Variants in MAGI1 observed in about 807,000 individuals in gnomAD.
MAGI1 encodes membrane associated guanylate kinase, WW and PDZ domain containing 1, also known as membrane-associated guanylate kinase, WW and PDZ domain-containing protein 1.
MAGI1 carries 58 observed loss-of-function variants against 139.9 expected under a neutral mutation model. That is an observed-to-expected ratio of 0.41 (90% confidence interval 0.34 to 0.52). The LOEUF (loss-of-function observed/expected upper bound fraction) is 0.52, where lower values mean the gene tolerates loss of function less well. MAGI1 is among the 20% of genes least tolerant of loss of function. The pLI, the probability that MAGI1 is intolerant of heterozygous loss-of-function variation, is 0.12. For missense variants in MAGI1, 1,874 were observed against 1,901.6 expected (o/e 0.99, Z 0.27); for synonymous variants, 812 against 737.9 (o/e 1.10, Z -1.63).
intron 1 of MAGI1, among the ~76,000 whole-genome samples, chr3:65,923,185 C>G (rs1333796206): frequency 6.6e-6 from 1 of 151,624 alleles, no homozygotes. Flanking sequence ...TCCATCCACC[C>G]GTCCATGCAT....
chr3:65,854,717 C>G (rs1041682310), intron 1 of MAGI1, among the ~76,000 whole-genome samples: 1 of 152,266 alleles, frequency 6.6e-6, no homozygotes, highest in Non-Finnish European at 1.5e-5. Flanking sequence ...TAGTCTCTGT[C>G]ACCTAAATGA....
In MAGI1 at chr3:65,357,071, G is replaced by T; in HGVS notation, c.3696C>A (p.Ala1232=). Residue 1232 remains alanine, a synonymous_variant, in exon 23 of 23, where the codon GCC becomes GCA. Transcript: ENST00000402939. ...TGPQGVPEVR[A]GPDRRQHPSL... ...ACGGATGCTGCCGGCGGTCGGGCCC[G>T]GCCCTCACTTCCGGAACACCTTGTG... 6.2e-7 allele frequency: 1 copy of T among 1,614,146 alleles called. No individual in the cohort carries two copies. Among genetic ancestry groups the T allele is most frequent in the South Asian group, 1.1e-5 (1 of 91,084 alleles).
At chr3:65,648,752 T>TA (rs1258285408) in intron 1 of MAGI1, among the ~76,000 whole-genome samples, 23 of 152,186 alleles carry the variant, frequency 1.5e-4, no homozygotes, top group Admixed American at 1.4e-3. Context: ...ACTGGAATAG[T>TA]AAAAAATTTT....
chr3:65,812,466 T>TCACACA (rs1432887484), intron 1 of MAGI1, among the ~76,000 whole-genome samples: 1 of 87,662 alleles, frequency 1.1e-5, no homozygotes, highest in African/African-American at 3.6e-5. Flanking sequence ...TCTCTCTCTC[T>TCACACA]CTCACACACA....
At chr3:65,551,451 C>T (rs2107968468) in intron 2 of MAGI1, among the ~76,000 whole-genome samples, 1 of 152,270 alleles carries the variant, frequency 6.6e-6, no homozygotes, top group South Asian at 2.1e-4. Context: ...CAGGCACGCA[C>T]CACCGCGCGC....
chr3:65,385,557 T>G (rs1044135333), intron 14 of MAGI1, among the ~76,000 whole-genome samples: 4 of 152,200 alleles, frequency 2.6e-5, no homozygotes, highest in African/African-American at 9.7e-5. Context: ...ATGTCCCTTT[T>G]TAGTGATTCA....
At chr3:65,442,667 TTCA>T (rs1401349037) in intron 8 of MAGI1, 122 bp downstream of exon 8, 1 of 630,202 alleles carries the variant, frequency 1.6e-6, no homozygotes, top group Non-Finnish European at 2.8e-6. Flanking sequence ...CATACATATT[TTCA>T]TCATAAAATT....
intron 1 of MAGI1, among the ~76,000 whole-genome samples, chr3:65,742,888 T>C (rs1339009196): frequency 6.6e-6 from 1 of 152,202 alleles, no homozygotes; most frequent in Non-Finnish European, 1.5e-5. Context: ...TGATCAACAA[T>C]ATGTCTGGGA....
chr3:65,518,298 T>G (rs1474262326), intron 2 of MAGI1, among the ~76,000 whole-genome samples: 2 of 152,214 alleles, frequency 1.3e-5, no homozygotes, highest in Non-Finnish European at 2.9e-5. Context: ...AATGACTTTC[T>G]GTATCTGTAT....
intron 5 of MAGI1, 73 bp downstream of exon 5, chr3:65,470,210 C>A: frequency 1.0e-6 from 1 of 1,004,534 alleles, no homozygotes. Context: ...TTTACATTGG[C>A]AACTGCTAGA....
rs7625440 is a variant in MAGI1 at position 65,525,248 on chromosome 3, G to A, written c.431-31617C>T. ...ACCTCTCTATGGACAGACACATGCTGAGCAGAGGAGTACCTTTCTCAAATC... is the reference window on the plus strand; with the variant it reads ...ACCTCTCTATGGACAGACACATGCTAAGCAGAGGAGTACCTTTCTCAAATC... On this transcript the variant is annotated intron_variant, in intron 2 of 22. Transcript: ENST00000402939. Among the ~76,000 whole-genome samples, 1,110 of 152,264 alleles carry A rather than the reference G, an allele frequency of 7.3e-3. 14 individuals carry two copies. The highest frequency in any genetic ancestry group is 0.025 in the African/African-American group (1,059 of 41,558).
intron 2 of MAGI1, among the ~76,000 whole-genome samples, chr3:65,522,972 T>C (rs562173381): frequency 6.6e-6 from 1 of 152,220 alleles, no homozygotes; most frequent in South Asian, 2.1e-4. Flanking sequence ...TACAAAAAGG[T>C]TGGGCTTAGT....
intron 2 of MAGI1, among the ~76,000 whole-genome samples, chr3:65,530,255 T>C (rs1378796981): frequency 2.0e-5 from 3 of 152,120 alleles, no homozygotes; most frequent in African/African-American, 7.2e-5. Context: ...TCCATGTCAC[T>C]GAATTAGGCG....
At chr3:65,580,579 C>G (rs978864336) in intron 2 of MAGI1, among the ~76,000 whole-genome samples, 1 of 152,086 alleles carries the variant, frequency 6.6e-6, no homozygotes, top group Non-Finnish European at 1.5e-5. Context: ...ACGCAAACAC[C>G]AGGACAATTA....
At position 65,391,301 on chromosome 3, in the gene MAGI1, G is replaced by A. The variant is rs780637413; in HGVS notation, c.2257C>T (p.Arg753Ter). 6.2e-7 allele frequency: 1 copy of A among 1,614,138 alleles called. No homozygotes were observed. The highest frequency in any genetic ancestry group is 8.5e-7 in the Non-Finnish European group (1 of 1,180,028). Residue 753 changes from arginine to a stop codon, truncating the protein, a stop_gained, in exon 14 of 23, where the codon CGA (arginine) becomes TGA (stop). Coordinates refer to ENST00000402939, the MANE Select transcript of MAGI1 (RefSeq NM_001033057.2). LOFTEE classifies it high-confidence loss of function. Reference protein sequence around the residue: ...NSSQHSVSSHRSLHTASPSHS... With the variant: ...NSSQHSVSSH ...CTTGGGGATGCTGTGTGCAGGCTTC[G>A]GTGGCTGGAAACACTGTGCTGAGAA...
At position 65,973,180 on chromosome 3, in the gene MAGI1, T is replaced by C. The variant is rs2065091882; in HGVS notation, c.313+64816A>G. 3.3e-5 allele frequency among the ~76,000 whole-genome samples: 5 copies of C among 152,082 alleles called. No individual in the cohort carries two copies. In the South Asian group the frequency reaches 1.0e-3, roughly 32 times the overall value. On this transcript the variant is annotated intron_variant, in intron 1 of 22. Coordinates refer to ENST00000402939, the MANE Select transcript of MAGI1 (RefSeq NM_001033057.2). ...TAATAAAATAAAATAAAATATAAAA[T>C]AAAATAAATAAAAGGCAATTTGTTC... is the stretch of plus-strand genomic sequence containing the variant.
At chr3:65,414,866 A>G (rs1946068841) in intron 12 of MAGI1, among the ~76,000 whole-genome samples, 1 of 151,706 alleles carries the variant, frequency 6.6e-6, no homozygotes, top group South Asian at 2.1e-4. Context: ...AAAAAAAAAA[A>G]AAAAAATACA....
chr3:65,920,253 G>T (rs2062111504), intron 1 of MAGI1, among the ~76,000 whole-genome samples: 3 of 152,070 alleles, frequency 2.0e-5, no homozygotes, highest in African/African-American at 4.8e-5. Context: ...TTTCCTTCCA[G>T]CTAAACACCT....
chr3:66,021,905 A>T (rs2067983368), intron 1 of MAGI1, among the ~76,000 whole-genome samples: 1 of 152,188 alleles, frequency 6.6e-6, no homozygotes, highest in Non-Finnish European at 1.5e-5. Flanking sequence ...TGTGTGGGGT[A>T]CTGTGTTCAA....
Sources: gnomAD v4.1 joint callset for allele counts (sites outside exome capture counted in the v4.1 genomes callset) on GRCh38, gnomAD v4.1.1 for gene constraint, MANE v1.5 for transcripts, NCBI Gene and HGNC (gene_info 2026-07-23, HGNC 2026-07-21) for gene names.